Variants in ST3GAL4 observed in about 807,000 individuals in gnomAD.
The protein encoded by ST3GAL4 is ST3 beta-galactoside alpha-2,3-sialyltransferase 4.
A neutral mutation model predicts 42.6 loss-of-function variants in ST3GAL4; 24 were observed. The ratio of observed to expected loss-of-function variants is 0.56; its 90% confidence interval spans 0.41 to 0.79. The LOEUF is 0.79. Among genes scored for constraint, ST3GAL4 ranks in the 30% least tolerant of loss-of-function variants. The pLI, the probability that ST3GAL4 is intolerant of heterozygous loss-of-function variation, is 0.00. For synonymous variants in ST3GAL4, 135 were observed against 163.2 expected (o/e 0.83, Z 1.32); for missense variants, 311 against 430.8 (o/e 0.72, Z 2.46).
chr11:126,410,664 G>C lies in ST3GAL4; in HGVS notation c.771+1253G>C, dbSNP rs138708188. The stretch of plus-strand genomic sequence containing the variant: ...AACATTTCCTGTTATTCCATGTTCT[G>C]TGTTGAATGGCTGCTTTTGTGACTG... On this transcript the variant is annotated intron_variant, in intron 9 of 10. Coordinates refer to ENST00000444328, the MANE Select transcript of ST3GAL4 (RefSeq NM_001254757.2). The surrounding 1 kb of genome is among the most constrained non-coding windows in gnomAD (Gnocchi z 5.3). Among the ~76,000 whole-genome samples the C allele has an allele frequency of 3.3e-5, 5 of 152,202 alleles. No homozygotes were observed. Among genetic ancestry groups the C allele is most frequent in the African/African-American group, 1.2e-4 (5 of 41,448 alleles).
In ST3GAL4 at chr11:126,409,510, G is replaced by C; in HGVS notation, c.771+99G>C. The C allele has an allele frequency of 6.6e-7, 1 of 1,525,334 alleles. No homozygotes were observed. Among genetic ancestry groups the C allele is most frequent in the Non-Finnish European group, 8.9e-7 (1 of 1,120,122 alleles). The allele number at this position is 1,525,334 out of a possible 1,614,324, so 94.5% of individuals were successfully genotyped here. The stretch of plus-strand genomic sequence containing the variant: ...GAAGCCCTGGAAGGATCCCATAACA[G>C]AGGCGGCGGTTTGCATTTTCCCTCC... On this transcript the variant is annotated intron_variant, in intron 9 of 10. Coordinates refer to ENST00000444328, the MANE Select transcript of ST3GAL4 (RefSeq NM_001254757.2). This position sits in a 1 kb window ranked among gnomAD's most constrained non-coding sequence, Gnocchi z 4.9.
rs900417452 is a variant in ST3GAL4, at chr11:126,410,175, G to A, written c.771+764G>A. On this transcript the variant is annotated intron_variant, in intron 9 of 10. Coordinates refer to ENST00000444328, the MANE Select transcript of ST3GAL4 (RefSeq NM_001254757.2). The surrounding 1 kb of genome is among the most constrained non-coding windows in gnomAD (Gnocchi z 5.3). The stretch of plus-strand genomic sequence containing the variant: ...TCGTGTCTCAGCCTCCCAAAATGCC[G>A]GGATTACAGGTGTAAGGCACTGTGT... Among the ~76,000 whole-genome samples the A allele has an allele frequency of 2.6e-5, 4 of 152,160 alleles. No homozygotes were observed. Among genetic ancestry groups the A allele is most frequent in the African/African-American group, 7.2e-5 (3 of 41,426 alleles).
rs1953585484 is a variant in ST3GAL4, at chr11:126,393,209, G to A, written c.-60-12887G>A. On this transcript the variant is annotated intron_variant, in intron 1 of 10. Transcript: ENST00000444328. This position sits in a 1 kb window ranked among gnomAD's most constrained non-coding sequence, Gnocchi z 5.9. ...CTCGGTAGCCAGTGCCTAGGGCACA[G>A]GTCTTGGCCAGAGGAGAGAAGGCTC... The A allele has an allele frequency of 6.6e-6, 1 of 152,244 alleles. No individual in the cohort carries two copies. Among genetic ancestry groups the A allele is most frequent in the Admixed American group, 6.5e-5 (1 of 15,278 alleles). The allele number at this position is 152,244 out of a possible 1,614,324, so 9.4% of individuals were successfully genotyped here.
chr11:126,407,617 C>T lies in ST3GAL4; in HGVS notation c.324C>T (p.Ile108=). ...LRVLAITSSS[I]PKNIQSLRCR... ...TGCTAGCCATCACCAGCTCCTCCAT[C>T]CCCAAGAACATCCAGAGGTAAGGCG... The change falls in exon 6 of 11, where the codon ATC becomes ATT. Residue 108 remains isoleucine (I), a synonymous_variant. Transcript: ENST00000444328. The T allele has an allele frequency of 6.2e-7, 1 of 1,614,140 alleles. No individual in the cohort carries two copies. Among genetic ancestry groups the T allele is most frequent in the Non-Finnish European group, 8.5e-7 (1 of 1,180,016 alleles).
chr11:126,390,315 T>C (rs959547863), intron 1 of ST3GAL4, among the ~76,000 whole-genome samples: 14 of 150,664 alleles, frequency 9.3e-5, no homozygotes, highest in Admixed American at 4.0e-4. Context: ...CTGATGATAG[T>C]GTTTCCAGTT....
At chr11:126,413,063 C>T (rs1017454558) in intron 9 of ST3GAL4, among the ~76,000 whole-genome samples, 100 of 152,132 alleles carry the variant, frequency 6.6e-4, no homozygotes, top group African/African-American at 2.0e-3. Context: ...GAATGGTAGC[C>T]GCTAGGCACA....
chr11:126,381,136 C>G lies in ST3GAL4; in HGVS notation c.-60-24960C>G, dbSNP rs551026188. On this transcript the variant is annotated intron_variant, in intron 1 of 10. Transcript: ENST00000444328. ...GCTGGCCTCTGTTGGCTTTGAGACC[C>G]TAGCTTTGCACTGTGGCTTTGCTCG... 4.6e-5 allele frequency among the ~76,000 whole-genome samples: 7 copies of G among 152,320 alleles called. No homozygotes were observed. In the South Asian group the frequency reaches 1.0e-3, roughly 23 times the overall value.
rs1010893006 is a variant in ST3GAL4, at chr11:126,411,991, T to C, written c.772-1514T>C. Reference sequence around the variant, plus strand: ...CACACGCGCAAGGGAGGAGATTACATGAGGGTTAGCGTCACTGGGGTTCTC... The same window carrying C: ...CACACGCGCAAGGGAGGAGATTACACGAGGGTTAGCGTCACTGGGGTTCTC... On this transcript the variant is annotated intron_variant, in intron 9 of 10. Coordinates refer to ENST00000444328, the MANE Select transcript of ST3GAL4 (RefSeq NM_001254757.2). The surrounding 1 kb of genome is among the most constrained non-coding windows in gnomAD (Gnocchi z 6.3). Among the ~76,000 whole-genome samples the C allele has an allele frequency of 6.6e-6, 1 of 152,144 alleles. No individual in the cohort carries two copies. The highest frequency in any genetic ancestry group is 1.5e-5 in the Non-Finnish European group (1 of 68,034).
intron 1 of ST3GAL4, among the ~76,000 whole-genome samples, chr11:126,399,301 C>CTTTTTTTTTTTTTTTTT (rs58479155): frequency 1.1e-5 from 1 of 87,736 alleles, no homozygotes. Flanking sequence ...TTCTTTCCTT[C>CTTTTTTTTTTTTTTTTT]TTTTTTTTTT....
At position 126,373,181 on chromosome 11, in the gene ST3GAL4, G is replaced by A. The variant is rs1952718454; in HGVS notation, c.-61+17339G>A. On this transcript the variant is annotated intron_variant, in intron 1 of 10. Transcript: ENST00000444328. The surrounding 1 kb of genome is among the most constrained non-coding windows in gnomAD (Gnocchi z 5.5). The stretch of plus-strand genomic sequence containing the variant: ...GGAGAGGGGGTGCTGCTCTGGAGAG[G>A]CGGTGCTGCTTTGGAGATGGATTAA... Among the ~76,000 whole-genome samples the A allele has an allele frequency of 6.6e-6, 1 of 152,194 alleles. No individual in the cohort carries two copies. The highest frequency in any genetic ancestry group is 2.4e-5 in the African/African-American group (1 of 41,444).
intron 1 of ST3GAL4, among the ~76,000 whole-genome samples, chr11:126,375,704 T>C (rs917142262): frequency 1.3e-5 from 2 of 152,132 alleles, no homozygotes; most frequent in African/African-American, 4.8e-5. Context: ...TCTGGAAACA[T>C]TCTGTCACAC....
At chr11:126,387,838 A>G (rs1953289456) in intron 1 of ST3GAL4, among the ~76,000 whole-genome samples, 1 of 152,212 alleles carries the variant, frequency 6.6e-6, no homozygotes, top group Non-Finnish European at 1.5e-5. Flanking sequence ...ATATCTGGGT[A>G]TGCATGTAAC....
chr11:126,382,856 T>A (rs1208902259), intron 1 of ST3GAL4, among the ~76,000 whole-genome samples: 2 of 152,230 alleles, frequency 1.3e-5, no homozygotes, highest in African/African-American at 4.8e-5. Context: ...TGGGTGCAGA[T>A]GACCCTGAAA....
rs536065756 is a variant in ST3GAL4, at chr11:126,400,781, G to A, written c.-60-5315G>A. On this transcript the variant is annotated intron_variant, in intron 1 of 10. Coordinates refer to ENST00000444328, the MANE Select transcript of ST3GAL4 (RefSeq NM_001254757.2). This position sits in a 1 kb window ranked among gnomAD's most constrained non-coding sequence, Gnocchi z 4.6. ...GGGTGGGATCTGGAACCAGGCTGTG[G>A]CTCCGGAAGAGGAGCTGGAGGGCTG... is the stretch of plus-strand genomic sequence containing the variant. Among the ~76,000 whole-genome samples, 2 of 152,338 alleles carry A rather than the reference G, an allele frequency of 1.3e-5. No homozygotes were observed. The highest frequency in any genetic ancestry group is 6.5e-5 in the Admixed American group (1 of 15,302).
At position 126,406,354 on chromosome 11, in the gene ST3GAL4, A is replaced by G; in HGVS notation, c.17-119A>G. The G allele has an allele frequency of 1.3e-6, 2 of 1,563,656 alleles. No individual in the cohort carries two copies. Among genetic ancestry groups the G allele is most frequent in the Non-Finnish European group, 8.7e-7 (1 of 1,154,378 alleles). Reference sequence around the variant, plus strand: ...CCTCAGCCAGGGCCAGGAGAGGGCCAGAGACTGCTTCTGTTGAGTTAGGGG... The same window carrying G: ...CCTCAGCCAGGGCCAGGAGAGGGCCGGAGACTGCTTCTGTTGAGTTAGGGG... On this transcript the variant is annotated intron_variant, in intron 2 of 10. Coordinates refer to ENST00000444328, the MANE Select transcript of ST3GAL4 (RefSeq NM_001254757.2). This position sits in a 1 kb window ranked among gnomAD's most constrained non-coding sequence, Gnocchi z 5.4.
At chr11:126,403,331 GCGCTGCTCACCTCTGA>G (rs542392732) in intron 1 of ST3GAL4, 26,242 of 961,072 alleles carry the variant, frequency 0.027, 406 homozygotes, top group Non-Finnish European at 0.03. Context: ...AGACTGGTTA[GCGCTGCTCACCTCTGA>G]CGCTGCTCAC....
rs1405070628 is a variant in ST3GAL4, at chr11:126,412,463, C to T, written c.772-1042C>T. Among the ~76,000 whole-genome samples the T allele has an allele frequency of 2.6e-5, 4 of 152,162 alleles. No homozygotes were observed. The East Asian group carries it at 7.7e-4, about 29-fold the overall frequency. ...CTGGAGAAGTGAGAATATCAGGCTG[C>T]CCGTCACTGTGGATGAATTAGGCAT... On this transcript the variant is annotated intron_variant, in intron 9 of 10. Transcript: ENST00000444328.
chr11:126,362,362 G>A (rs1475017668), intron 1 of ST3GAL4, among the ~76,000 whole-genome samples: 2 of 151,650 alleles, frequency 1.3e-5, no homozygotes, highest in Non-Finnish European at 2.9e-5. Flanking sequence ...ATCACACCCG[G>A]CTAATTTTTG....
intron 1 of ST3GAL4, among the ~76,000 whole-genome samples, chr11:126,388,679 T>TTTCTTTTTTC (rs1555086243): frequency 8.2e-6 from 1 of 122,642 alleles, no homozygotes; most frequent in Non-Finnish European, 1.7e-5. Flanking sequence ...TTTTTTTTTT[T>TTTCTTTTTTC]TTCTGATTTA....
Sources: gnomAD v4.1 joint callset for allele counts (sites outside exome capture counted in the v4.1 genomes callset) on GRCh38, gnomAD v4.1.1 for gene constraint, Gnocchi (gnomAD v3.1) non-coding constraint, MANE v1.5 for transcripts, NCBI Gene and HGNC (gene_info 2026-07-23, HGNC 2026-07-21) for gene names.